The following CD109 variants were observed in gnomAD, a reference collection of about 807,000 sequenced individuals.
The protein encoded by CD109 is CD109 antigen.
In CD109, 149 loss-of-function variants were observed where a neutral mutation model predicts 165.8. The ratio of observed to expected loss-of-function variants is 0.90; its 90% CI spans 0.79 to 1.03. CD109 has a LOEUF of 1.03. Among genes scored for constraint, CD109 ranks in the 50% least tolerant of loss-of-function variants. CD109 has a pLI of 0.00. For missense variants in CD109, 1,712 were observed against 1,677.8 expected (o/e 1.02, Z -0.36); for synonymous variants, 585 against 592.1 (o/e 0.99, Z 0.18).
intron 19 of CD109, among the ~76,000 whole-genome samples, chr6:73,784,981 A>G (rs1362444612): frequency 1.3e-5 from 2 of 152,192 alleles, no homozygotes; most frequent in East Asian, 3.8e-4. Context: ...GCTGGGTTCT[A>G]GTTCTGGCTC....
intron 3 of CD109, among the ~76,000 whole-genome samples, chr6:73,725,468 G>A (rs1347917635): frequency 1.4e-5 from 2 of 146,064 alleles, no homozygotes; most frequent in Admixed American, 6.8e-5. Flanking sequence ...GTACGTGTCT[G>A]AGCTAATATT....
chr6:73,707,100 C>A (rs1490447841), intron 2 of CD109, among the ~76,000 whole-genome samples: 1 of 152,140 alleles, frequency 6.6e-6, no homozygotes, highest in Non-Finnish European at 1.5e-5. Context: ...TGTCCTCCCA[C>A]GTTGATTATA....
At chr6:73,697,308 A>C in intron 1 of CD109, 92 bp from the exon 2 acceptor site, 4 of 1,127,930 alleles carry the variant, frequency 3.5e-6, no homozygotes, top group Non-Finnish European at 5.2e-6. Flanking sequence ...CGCAGTATGG[A>C]GTGCCTATCG....
In CD109 at chr6:73,788,629, T is replaced by A; in HGVS notation, c.2701+17T>A. Reference sequence around the variant, plus strand: ...CTGCAATTGGTAAGAATAGAGTATATCACCATCTATTGGTTTAATTGTATA... The same window carrying A: ...CTGCAATTGGTAAGAATAGAGTATAACACCATCTATTGGTTTAATTGTATA... On this transcript the variant is annotated intron_variant, in intron 22 of 32. Coordinates refer to ENST00000287097, the MANE Select transcript of CD109 (RefSeq NM_133493.5). 6.3e-7 allele frequency: 1 copy of A among 1,589,822 alleles called. No homozygotes were observed. Among genetic ancestry groups the A allele is most frequent in the Non-Finnish European group, 8.6e-7 (1 of 1,163,398 alleles).
Position 73,763,613 on chromosome 6 carries a change from G to A in CD109, c.1035G>A (p.Lys345=), listed in dbSNP as rs1329564985. The A allele has an allele frequency of 6.3e-7, 1 of 1,593,194 alleles. No homozygotes were observed. ...ATGTAAGCACTAATGTGTTCTTCAAGCAACATGATTACATCATTGAGTTTT... is the reference window on the plus strand; with the variant it reads ...ATGTAAGCACTAATGTGTTCTTCAAACAACATGATTACATCATTGAGTTTT... The part of the protein sequence containing the change: ...SRNVSTNVFF[K]QHDYIIEFFD... Residue 345 remains lysine, a synonymous_variant, in exon 10 of 33, where the codon AAG becomes AAA. Coordinates refer to ENST00000287097, the MANE Select transcript of CD109 (RefSeq NM_133493.5).
At position 73,782,727 on chromosome 6, in the gene CD109, A is replaced by C. The variant is rs768239963; in HGVS notation, c.2077A>C (p.Thr693Pro). The C allele has an allele frequency of 1.2e-6, 2 of 1,614,004 alleles. No individual in the cohort carries two copies. Among genetic ancestry groups the C allele is most frequent in the Non-Finnish European group, 8.5e-7 (1 of 1,179,914 alleles). ...ACATGTCCGAAAGCATTTTCCAGAG[A>C]CTTGGATTTGGCTAGACACCAACAT... ...SPHVRKHFPE[T>P]WIWLDTNMGY... Residue 693 changes from threonine (T) to proline (P), a missense_variant, in exon 18 of 33, where the codon ACT (threonine) becomes CCT (proline). Physicochemically the swap from Thr to Pro is conservative, Grantham distance 38. Transcript: ENST00000287097.
chr6:73,716,868 G>C (rs958721978), intron 2 of CD109, among the ~76,000 whole-genome samples: 1 of 152,138 alleles, frequency 6.6e-6, no homozygotes, highest in East Asian at 1.9e-4. Flanking sequence ...CAGTGTCCTG[G>C]AGAGTCCCTC....
chr6:73,691,052 C>T (rs1770682777), upstream of CD109, among the ~76,000 whole-genome samples: 1 of 152,178 alleles, frequency 6.6e-6, no homozygotes, highest in Non-Finnish European at 1.5e-5. Flanking sequence ...TTCCTCCCCT[C>T]TTCCCTTTCA....
chr6:73,812,184 C>G (rs1562085098), intron 28 of CD109, 21 bp from the exon 29 acceptor site: 1 of 1,583,110 alleles, frequency 6.3e-7, no homozygotes, highest in Admixed American at 1.7e-5. Context: ...GCCTCATTCA[C>G]TTTTTTTCAC....
Position 73,771,427 on chromosome 6 carries a change from A to G in CD109, c.1675-2A>G, listed in dbSNP as rs781553349. ...GTTAATCCTCCTTTCTCTCTTTTTT[A>G]GATAAAGCTATATTGGAGTAAAGTG... On this transcript the variant is annotated splice_acceptor_variant, in intron 14 of 32. Coordinates refer to ENST00000287097, the MANE Select transcript of CD109 (RefSeq NM_133493.5). LOFTEE classifies it high-confidence loss of function. The G allele has an allele frequency of 4.4e-6, 7 of 1,599,062 alleles. No homozygotes were observed. Among genetic ancestry groups the G allele is most frequent in the Non-Finnish European group, 6.0e-6 (7 of 1,175,146 alleles).
At chr6:73,687,255 T>C in the CD109 span, among the ~76,000 whole-genome samples, 1 of 152,166 alleles carries the variant, frequency 6.6e-6, no homozygotes, top group Non-Finnish European at 1.5e-5. Context: ...AGGTTAATTC[T>C]TTACCTTTAA....
chr6:73,718,918 C>T (rs983601342), intron 2 of CD109, among the ~76,000 whole-genome samples: 3 of 152,142 alleles, frequency 2.0e-5, no homozygotes, highest in East Asian at 1.9e-4. Flanking sequence ...CTTCTATCCC[C>T]GTGACCAGTT....
At chr6:73,779,614 T>C (rs1186344678) in intron 15 of CD109, among the ~76,000 whole-genome samples, 1 of 152,172 alleles carries the variant, frequency 6.6e-6, no homozygotes, top group Non-Finnish European at 1.5e-5. Flanking sequence ...ATTTTGTTTA[T>C]CCATTTTTCT....
At position 73,826,280 on chromosome 6, in the gene CD109, A is replaced by T. The variant is rs1417644365; in HGVS notation, c.*2647A>T. The T allele has an allele frequency of 6.6e-6, 1 of 152,230 alleles. No individual in the cohort carries two copies. The highest frequency in any genetic ancestry group is 2.4e-5 in the African/African-American group (1 of 41,466). 9.4% of individuals were successfully genotyped at this position (152,230 alleles called of 1,614,324 possible). On this transcript the variant is annotated 3_prime_UTR_variant, in exon 33 of 33. Coordinates refer to ENST00000287097, the MANE Select transcript of CD109 (RefSeq NM_133493.5). ...ATTATTTTCTTCACATGCTATGAGT[A>T]ATAATATTAAAAAACTCATTTTACC...
intron 7 of CD109, among the ~76,000 whole-genome samples, chr6:73,762,031 C>T (rs1370799075): frequency 2.0e-5 from 3 of 151,550 alleles, no homozygotes; most frequent in Admixed American, 1.3e-4. Context: ...GATGCGATCT[C>T]GGCTCACTGC....
In CD109 at chr6:73,777,939, G is replaced by A. The variant is rs930829611; in HGVS notation, c.1828-2485G>A. ...ATGAATTTTAAAATAGTTTTCTCTC[G>A]TTCTGTGAAGAATGTAGTAGTTTAA... is the stretch of plus-strand genomic sequence containing the variant. On this transcript the variant is annotated intron_variant, in intron 15 of 32. Coordinates refer to ENST00000287097, the MANE Select transcript of CD109 (RefSeq NM_133493.5). 1.6e-4 allele frequency among the ~76,000 whole-genome samples: 25 copies of A among 152,192 alleles called. 1 individual carries two copies. Among genetic ancestry groups the A allele is most frequent in the African/African-American group, 4.8e-4 (20 of 41,526 alleles).
chr6:73,776,209 A>G (rs1774236482), intron 15 of CD109, among the ~76,000 whole-genome samples: 1 of 152,112 alleles, frequency 6.6e-6, no homozygotes, highest in Non-Finnish European at 1.5e-5. Flanking sequence ...AATGATAGCT[A>G]TCCATTCTGA....
Position 73,806,852 on chromosome 6 carries a change from CT to C in CD109, c.2973del (p.Phe991LeufsTer3), listed in dbSNP as rs1326865927. ...YDPSGSTWLS[A>X]FVLRCFLEAD... is the part of the protein sequence containing the mutation. ...TTTCTCTTTTCATAAAGGTTGTCAG[CT>C]TTTGTTTTAAGATGTTTCCTTGAAG... On this transcript the variant is annotated frameshift_variant, in exon 25 of 33. Transcript: ENST00000287097. LOFTEE classifies it high-confidence loss of function. 2.5e-6 allele frequency: 4 copies of C among 1,611,580 alleles called. No individual in the cohort carries two copies. Among genetic ancestry groups the C allele is most frequent in the Non-Finnish European group, 3.4e-6 (4 of 1,178,534 alleles).
intron 19 of CD109, among the ~76,000 whole-genome samples, chr6:73,784,603 T>A (rs1774621821): frequency 6.6e-6 from 1 of 152,184 alleles, no homozygotes; most frequent in South Asian, 2.1e-4. Flanking sequence ...AATGTGCAGA[T>A]AAACTCTAGA....
Sources: gnomAD v4.1 joint callset for allele counts (sites outside exome capture counted in the v4.1 genomes callset) on GRCh38, gnomAD v4.1.1 for gene constraint, MANE v1.5 for transcripts, NCBI Gene and HGNC (gene_info 2026-07-23, HGNC 2026-07-21) for gene names.